The following CCDC30 variants were observed in gnomAD, a reference collection of about 807,000 sequenced individuals.
CCDC30 encodes the protein coiled-coil domain-containing protein 30.
In CCDC30, 70 loss-of-function variants were observed where a neutral mutation model predicts 100.2. That is an observed-to-expected ratio of 0.70 (90% CI 0.58 to 0.85). The LOEUF (loss-of-function observed/expected upper bound fraction) is 0.85, where lower values mean the gene tolerates loss of function less well. Ranked by LOEUF, CCDC30 falls within the 40% of genes least tolerant of loss-of-function variation. The pLI, the probability that CCDC30 is intolerant of heterozygous loss-of-function variation, is 0.00. For missense variants in CCDC30, 652 were observed against 771.2 expected, an observed-to-expected ratio of 0.85 and a Z score of 1.83; for synonymous variants, 233 against 269.5, an observed-to-expected ratio of 0.86 and a Z score of 1.33.
At chr1:42,569,130 C>T (rs1307997591) in intron 7 of CCDC30, 4 of 152,086 alleles carry the variant, frequency 2.6e-5, no homozygotes, top group South Asian at 2.1e-4. Context: ...GTGAAGCGTT[C>T]CGTATTTTTT....
chr1:42,625,234 T>C lies in CCDC30; in HGVS notation c.1278-12003T>C, dbSNP rs961625982. On this transcript the variant is annotated intron_variant, in intron 11 of 16. Coordinates refer to ENST00000668663, the Ensembl canonical transcript of CCDC30. ...CTGTGGTATTAGTTGTAATATCTCA[T>C]TTTTTGTCCCTGATTTTATTTATTT... Among the ~76,000 whole-genome samples, 6 of 152,062 alleles carry C rather than the reference T, an allele frequency of 3.9e-5. No homozygotes were observed. The East Asian group carries it at 5.8e-4, about 15-fold the overall frequency.
intron 10 of CCDC30, among the ~76,000 whole-genome samples, chr1:42,605,519 C>T (rs575919133): frequency 1.6e-4 from 24 of 152,258 alleles, no homozygotes; most frequent in African/African-American, 5.3e-4. Flanking sequence ...CACTCTGTCG[C>T]CCAGGCTGGA....
At chr1:42,534,666 G>A (rs1320837699) in intron 6 of CCDC30, among the ~76,000 whole-genome samples, 2 of 152,170 alleles carry the variant, frequency 1.3e-5, no homozygotes, top group Non-Finnish European at 2.9e-5. Context: ...ATTCTGTAGT[G>A]TATTTTTCTA....
At chr1:42,569,416 AC>A (rs1645683832) in intron 7 of CCDC30, among the ~76,000 whole-genome samples, 1 of 152,188 alleles carries the variant, frequency 6.6e-6, no homozygotes, top group South Asian at 2.1e-4. Flanking sequence ...GCAAATCAAA[AC>A]CACAATGAGA....
chr1:42,496,890 T>C (rs1303890351), intron 4 of CCDC30, among the ~76,000 whole-genome samples: 2 of 152,218 alleles, frequency 1.3e-5, no homozygotes, highest in Non-Finnish European at 2.9e-5. Flanking sequence ...AAACTTTCTC[T>C]GTTATTTCTT....
intron 6 of CCDC30, among the ~76,000 whole-genome samples, chr1:42,517,897 G>A (rs1304802943): frequency 6.6e-6 from 1 of 152,174 alleles, no homozygotes; most frequent in Non-Finnish European, 1.5e-5. Flanking sequence ...TTTGAAATCA[G>A]AAAGTGTGAG....
chr1:42,509,319 G>T lies in CCDC30; in HGVS notation c.456+10403G>T, dbSNP rs1644442672. Among the ~76,000 whole-genome samples, 3 of 152,290 alleles carry T rather than the reference G, an allele frequency of 2.0e-5. No homozygotes were observed. In the South Asian group the frequency reaches 6.2e-4, roughly 32 times the overall value. ...GAGCAGACCAAGAAACTAGTCACAA[G>T]ATTAGAAACCATTGCTTGGGAGCCA... On this transcript the variant is annotated intron_variant, in intron 6 of 16. Coordinates refer to ENST00000668663, the Ensembl canonical transcript of CCDC30.
intron 9 of CCDC30, among the ~76,000 whole-genome samples, chr1:42,585,868 T>C (rs954965817): frequency 3.3e-5 from 5 of 152,222 alleles, no homozygotes; most frequent in African/African-American, 9.6e-5. Flanking sequence ...TATGGTTTCA[T>C]AATATCAGTT....
At chr1:42,629,700 C>T (rs879457320) in intron 11 of CCDC30, among the ~76,000 whole-genome samples, 13 of 151,648 alleles carry the variant, frequency 8.6e-5, no homozygotes, top group Non-Finnish European at 1.5e-4. Flanking sequence ...GGCACGATCT[C>T]GGCTCACTGC....
intron 1 of CCDC30, chr1:42,473,234 A>T (rs1643826271): frequency 8.1e-7 from 1 of 1,231,468 alleles, no homozygotes; most frequent in African/African-American, 1.6e-5. Flanking sequence ...AGCACAGTGA[A>T]GACAGGCTGA....
At chr1:42,553,652 T>TACACACAA (rs1553194024) in intron 6 of CCDC30, among the ~76,000 whole-genome samples, 12 of 133,832 alleles carry the variant, frequency 9.0e-5, no homozygotes, top group Middle Eastern at 3.8e-3. Flanking sequence ...TGAGATTCCA[T>TACACACAA]ACACACACAC....
intron 15 of CCDC30, among the ~76,000 whole-genome samples, chr1:42,648,271 AT>A (rs1465548122): frequency 6.6e-6 from 1 of 152,172 alleles, no homozygotes; most frequent in African/African-American, 2.4e-5. Flanking sequence ...ACAAACACCT[AT>A]ATCAAAAAAG....
chr1:42,546,402 ATATATATATATAT>A lies in CCDC30; in HGVS notation c.457-19893_457-19881del, dbSNP rs1645140773. 9.3e-4 allele frequency among the ~76,000 whole-genome samples: 24 copies of A among 25,776 alleles called. 2 individuals carry two copies. In the South Asian group the frequency reaches 0.013, roughly 13 times the overall value. 16.9% of individuals were successfully genotyped at this position (25,776 alleles called of 152,430 possible). On this transcript the variant is annotated intron_variant, in intron 6 of 16. Transcript: ENST00000668663. ...TTCTGTCTCAAAAAAAAAAAAAAAT[ATATATATATATAT>A]ATATATATATATATATATATATATA...
chr1:42,582,899 T>C (rs544181933), intron 9 of CCDC30, among the ~76,000 whole-genome samples: 1 of 152,358 alleles, frequency 6.6e-6, no homozygotes, highest in Admixed American at 6.5e-5. Context: ...GCTTTGCTCC[T>C]GTCTGTAGCT....
chr1:42,542,574 C>T (rs1180401439), intron 6 of CCDC30, among the ~76,000 whole-genome samples: 1 of 112,550 alleles, frequency 8.9e-6, no homozygotes, highest in Non-Finnish European at 1.8e-5. Context: ...GACGGAGTCT[C>T]GCTCTGTCGC....
chr1:42,566,549 A>G (rs1461917312), intron 7 of CCDC30, 74 bp downstream of exon 11: 5 of 1,244,064 alleles, frequency 4.0e-6, no homozygotes, highest in Admixed American at 2.0e-5. Context: ...AAGTTCCTCT[A>G]CTTGATAATT....
At chr1:42,615,924 G>T (rs7542404) in intron 11 of CCDC30, among the ~76,000 whole-genome samples, 92,822 of 149,234 alleles carry the variant, frequency 0.62, 28,859 homozygotes, top group South Asian at 0.67. Flanking sequence ...TGTTTTTTTG[G>T]TTTTTTTTTT....
chr1:42,520,923 AG>A (rs1644631856), intron 6 of CCDC30, among the ~76,000 whole-genome samples: 1 of 150,876 alleles, frequency 6.6e-6, no homozygotes, highest in African/African-American at 2.4e-5. Context: ...CTGGGATTAC[AG>A]GCGTGAGCCA....
In CCDC30 at chr1:42,468,073, C is replaced by A. The variant is rs180754994; in HGVS notation, c.-92+4175C>A. On this transcript the variant is annotated intron_variant, in intron 1 of 16. Coordinates refer to ENST00000668663, the Ensembl canonical transcript of CCDC30. ...TCTGTATCCAATTCCTGTGTAGCCACATTTAGTTTCCAGCATATGTCCTTG... is the reference window on the plus strand; with the variant it reads ...TCTGTATCCAATTCCTGTGTAGCCAAATTTAGTTTCCAGCATATGTCCTTG... Among the ~76,000 whole-genome samples the A allele has an allele frequency of 7.2e-5, 11 of 152,294 alleles. No individual in the cohort carries two copies. The East Asian group carries it at 2.1e-3, about 29-fold the overall frequency.
Sources: allele counts gnomAD v4.1 joint callset (sites outside exome capture counted in the v4.1 genomes callset), GRCh38; gene constraint gnomAD v4.1.1; transcripts MANE v1.5; gene names NCBI Gene and HGNC (gene_info 2026-07-23, HGNC 2026-07-21).